Variants in WNT7B observed in about 807,000 individuals in gnomAD.
WNT7B encodes the protein protein Wnt-7b.
A neutral mutation model predicts 38.2 loss-of-function variants in WNT7B; 19 were observed. The ratio of observed to expected loss-of-function variants is 0.50; its 90% CI spans 0.35 to 0.73. The LOEUF is 0.73. Ranked by LOEUF, WNT7B falls within the 30% of genes least tolerant of loss-of-function variation. WNT7B has a pLI of 0.01. For missense variants in WNT7B, 423 were observed against 507.9 expected (o/e 0.83, Z 1.61); for synonymous variants, 243 against 209.3 (o/e 1.16, Z -1.39).
At chr22:45,943,861 C>T (rs1289083033) in intron 2 of WNT7B, among the ~76,000 whole-genome samples, 6 of 152,206 alleles carry the variant, frequency 3.9e-5, no homozygotes, top group African/African-American at 1.4e-4. Flanking sequence ...GGCTGAGGGC[C>T]GGGCTGCTGT....
chr22:45,937,834 A>ACC (rs1931549665), intron 2 of WNT7B, among the ~76,000 whole-genome samples: 2 of 152,134 alleles, frequency 1.3e-5, no homozygotes, highest in African/African-American at 4.8e-5. Context: ...ACATGGTGAA[A>ACC]CCCCAGGTCT....
Position 45,921,873 on chromosome 22 carries a change from GTC to G in WNT7B, c.*981_*982del. The G allele has an allele frequency of 6.6e-6, 1 of 152,354 alleles. No individual in the cohort carries two copies. The highest frequency in any genetic ancestry group is 2.1e-4 in the South Asian group (1 of 4,830). The allele number at this position is 152,354 out of a possible 1,614,324, so 9.4% of individuals were successfully genotyped here. A position where few individuals can be genotyped will look rare whatever the true frequency, so the allele number is the denominator to read the frequency against. On this transcript the variant is annotated 3_prime_UTR_variant, in exon 4 of 4. Transcript: ENST00000339464. Reference sequence around the variant, plus strand: ...CCTCCCGGGTTCAAGCAAGTGTCCTGTCTCAGCCTCCTGAGTAGCTGGGATTA... The same window carrying G: ...CCTCCCGGGTTCAAGCAAGTGTCCTGTCAGCCTCCTGAGTAGCTGGGATTA...
At chr22:45,946,409 G>A (rs1446084438) in intron 2 of WNT7B, among the ~76,000 whole-genome samples, 1 of 152,138 alleles carries the variant, frequency 6.6e-6, no homozygotes, top group Non-Finnish European at 1.5e-5. Context: ...TGCCTTGTTG[G>A]GGGGCCCCAG....
intron 1 of WNT7B, among the ~76,000 whole-genome samples, chr22:45,970,891 G>A (rs1370793278): frequency 1.3e-5 from 2 of 152,246 alleles, no homozygotes; most frequent in African/African-American, 2.4e-5. Flanking sequence ...CCCCTCAGGC[G>A]ATGCCTCCGC....
rs544323736 is a variant in WNT7B at position 45,969,724 on chromosome 22, A to C, written c.71+6960T>G. On this transcript the variant is annotated intron_variant, in intron 1 of 3. Transcript: ENST00000339464. ...ACCACAGCCCAGGACAGGGAGCTAG[A>C]GGAGCAGTCCAGATGAAAGGGGGAG... 9.8e-5 allele frequency among the ~76,000 whole-genome samples: 15 copies of C among 152,356 alleles called. No homozygotes were observed. The South Asian group carries it at 3.1e-3, about 32-fold the overall frequency.
chr22:45,936,060 A>G (rs775217148), intron 2 of WNT7B: 82 of 985,302 alleles, frequency 8.3e-5, no homozygotes, highest in Non-Finnish European at 9.8e-5. Context: ...ATGCCAGAGC[A>G]GACTATATTC....
At chr22:45,924,982 G>GCCTGGA (rs1931037189) in intron 3 of WNT7B, 1 of 927,884 alleles carries the variant, frequency 1.1e-6, no homozygotes, top group Non-Finnish European at 1.3e-6. Flanking sequence ...TAGGCTGGCA[G>GCCTGGA]GTGGGTGCCG....
intron 3 of WNT7B, chr22:45,927,238 CAG>C (rs956351407): frequency 3.0e-6 from 3 of 985,322 alleles, no homozygotes; most frequent in African/African-American, 3.5e-5. Flanking sequence ...TCCAAAACCT[CAG>C]GGGCTGCTCT....
intron 2 of WNT7B, among the ~76,000 whole-genome samples, chr22:45,940,765 G>A (rs996651214): frequency 3.9e-5 from 6 of 152,196 alleles, no homozygotes; most frequent in Admixed American, 2.6e-4. Flanking sequence ...GTGCAGGGTG[G>A]CCAATGAGTG....
intron 2 of WNT7B, among the ~76,000 whole-genome samples, chr22:45,943,430 C>T (rs906898010): frequency 7.2e-5 from 11 of 152,258 alleles, no homozygotes; most frequent in Admixed American, 2.0e-4. Flanking sequence ...CAGCAGGCTC[C>T]GAGTGGGAAG....
In WNT7B at chr22:45,922,582, C is replaced by T. The variant is rs111885193; in HGVS notation, c.*274G>A. 23,789 of 490,974 alleles carry T rather than the reference C, an allele frequency of 0.048. 763 individuals are homozygous for T. Among genetic ancestry groups the T allele is most frequent in the South Asian group, 0.073 (2,085 of 28,608 alleles). The allele number at this position is 490,974 out of a possible 1,614,324, so 30.4% of individuals were successfully genotyped here. A position where few individuals can be genotyped will look rare whatever the true frequency, so the allele number is the denominator to read the frequency against. On this transcript the variant is annotated 3_prime_UTR_variant, in exon 4 of 4. Transcript: ENST00000339464. Reference sequence around the variant, plus strand: ...AGAAGAAAGAGAACTTGCCGGGCCCCGTCGGGGAGCACCAAGACCCCTGGC... The same window carrying T: ...AGAAGAAAGAGAACTTGCCGGGCCCTGTCGGGGAGCACCAAGACCCCTGGC...
At position 45,920,555 on chromosome 22, in the gene WNT7B, G is replaced by GC. The variant is rs1256131996; in HGVS notation, c.*2300dup. 1.3e-5 allele frequency: 2 copies of GC among 151,038 alleles called. No homozygotes were observed. The highest frequency in any genetic ancestry group is 2.4e-5 in the African/African-American group (1 of 41,000). 9.4% of individuals were successfully genotyped at this position (151,038 alleles called of 1,614,324 possible). On this transcript the variant is annotated 3_prime_UTR_variant, in exon 4 of 4. Coordinates refer to ENST00000339464, the MANE Select transcript of WNT7B (RefSeq NM_058238.3). ...CAGGGGCTCAGTGGGGTGCCCGGCAGCCAAGGGACAGTGCGAGTGTCTCGG... is the reference window on the plus strand; with the variant it reads ...CAGGGGCTCAGTGGGGTGCCCGGCAGCCCAAGGGACAGTGCGAGTGTCTCGG...
At chr22:45,935,695 A>G (rs924894983) in intron 2 of WNT7B, among the ~76,000 whole-genome samples, 1 of 152,154 alleles carries the variant, frequency 6.6e-6, no homozygotes, top group Non-Finnish European at 1.5e-5. Flanking sequence ...ATGCATGAGC[A>G]GGTCTGGACT....
intron 1 of WNT7B, among the ~76,000 whole-genome samples, chr22:45,960,246 A>G (rs1387500707): frequency 2.0e-5 from 3 of 152,036 alleles, no homozygotes; most frequent in East Asian, 1.9e-4. Flanking sequence ...CCTTCCTCGC[A>G]TGCTGGCCCG....
At chr22:45,937,496 G>C (rs1223417962) in intron 2 of WNT7B, among the ~76,000 whole-genome samples, 1 of 152,218 alleles carries the variant, frequency 6.6e-6, no homozygotes, top group Non-Finnish European at 1.5e-5. Flanking sequence ...CATGCCTGTA[G>C]GTGTGACACA....
Position 45,975,422 on chromosome 22 carries a change from C to A in WNT7B, c.71+1262G>T, listed in dbSNP as rs558628883. On this transcript the variant is annotated intron_variant, in intron 1 of 3. Transcript: ENST00000339464. The surrounding 1 kb of genome is among the most constrained non-coding windows in gnomAD (Gnocchi z 6.6). The stretch of plus-strand genomic sequence containing the variant: ...ACCCACAGACCTATGATAAACGGGG[C>A]TACCGGCAGCCGCAGACACGCCCGC... 64 of 628,138 alleles carry A rather than the reference C, an allele frequency of 1.0e-4. 2 individuals are homozygous for A. In the South Asian group the frequency reaches 1.1e-3, roughly 11 times the overall value. The allele number at this position is 628,138 out of a possible 1,614,324, so 38.9% of individuals were successfully genotyped here.
intron 3 of WNT7B, chr22:45,926,657 C>T (rs1244115988): frequency 6.1e-6 from 6 of 985,210 alleles, no homozygotes; most frequent in Non-Finnish European, 2.4e-6. Context: ...GTGCCTCACA[C>T]CCTCTTCCAC....
intron 2 of WNT7B, among the ~76,000 whole-genome samples, chr22:45,932,244 C>T (rs994623643): frequency 6.6e-6 from 1 of 152,200 alleles, no homozygotes; most frequent in African/African-American, 2.4e-5. Context: ...CTGCCTCAGC[C>T]CTCTCTCCCC....
chr22:45,947,415 T>C (rs1162595924), intron 2 of WNT7B, among the ~76,000 whole-genome samples: 2 of 151,704 alleles, frequency 1.3e-5, no homozygotes, highest in Non-Finnish European at 2.9e-5. Context: ...AGCCCTGAGG[T>C]GTATGGGGAA....
Sources: allele counts gnomAD v4.1 joint callset (sites outside exome capture counted in the v4.1 genomes callset), GRCh38; gene constraint gnomAD v4.1.1; non-coding constraint Gnocchi (gnomAD v3.1); transcripts MANE v1.5; gene names NCBI Gene and HGNC (gene_info 2026-07-23, HGNC 2026-07-21).